Variants in DLG2 observed in about 807,000 individuals in gnomAD.
The protein encoded by DLG2 is disks large homolog 2.
Under a neutral mutation model 132.5 loss-of-function variants are expected in DLG2, and 45 were observed. That is an observed-to-expected ratio of 0.34 (90% CI 0.27 to 0.44). DLG2 has a LOEUF of 0.44. Among genes scored for constraint, DLG2 ranks in the 20% least tolerant of loss-of-function variants. DLG2 has a pLI of 1.00. For synonymous variants in DLG2, 424 were observed against 419.6 expected (o/e 1.01, Z -0.13); for missense variants, 1,045 against 1,196.9 (o/e 0.87, Z 1.87).
intron 18 of DLG2, among the ~76,000 whole-genome samples, chr11:83,712,599 C>T (rs1320064458): frequency 6.6e-6 from 1 of 152,130 alleles, no homozygotes; most frequent in Non-Finnish European, 1.5e-5. Context: ...CACTTCACTC[C>T]AGCCTGGGCA....
At chr11:85,310,488 G>C (rs1485727504) in intron 3 of DLG2, among the ~76,000 whole-genome samples, 3 of 152,184 alleles carry the variant, frequency 2.0e-5, no homozygotes, top group Non-Finnish European at 4.4e-5. Context: ...ACAAGGGACT[G>C]TCCCTTCACC....
intron 6 of DLG2, among the ~76,000 whole-genome samples, chr11:84,880,036 T>G (rs2087037364): frequency 6.6e-6 from 1 of 152,122 alleles, no homozygotes; most frequent in African/African-American, 2.4e-5. Context: ...TAAAGTGATT[T>G]TTTAAAAAAG....
At chr11:84,465,100 G>A (rs985988341) in intron 7 of DLG2, among the ~76,000 whole-genome samples, 2 of 151,118 alleles carry the variant, frequency 1.3e-5, no homozygotes, top group African/African-American at 4.8e-5. Context: ...ATAATAAACC[G>A]TCACACACTT....
chr11:84,206,634 G>A (rs556771998), intron 8 of DLG2, among the ~76,000 whole-genome samples: 24 of 152,054 alleles, frequency 1.6e-4, no homozygotes, highest in Middle Eastern at 6.8e-3. Context: ...ATATACAAGA[G>A]AAAATTCATA....
chr11:84,207,081 C>CTCTATATA (rs148707321), intron 8 of DLG2, among the ~76,000 whole-genome samples: 2,805 of 146,956 alleles, frequency 0.019, 60 homozygotes, highest in Middle Eastern at 0.06. Context: ...CTCTCTCTCT[C>CTCTATATA]TATATATATA....
intron 18 of DLG2, among the ~76,000 whole-genome samples, chr11:83,710,456 C>T (rs1012323653): frequency 5.9e-5 from 9 of 152,154 alleles, no homozygotes; most frequent in African/African-American, 2.2e-4. Flanking sequence ...GCCACCTTGC[C>T]TGGCCAGATA....
At chr11:83,603,800 C>A (rs2058929156) in intron 19 of DLG2, among the ~76,000 whole-genome samples, 1 of 152,124 alleles carries the variant, frequency 6.6e-6, no homozygotes, top group African/African-American at 2.4e-5. Flanking sequence ...TTTTAAAAGT[C>A]CTTACCCATT....
intron 19 of DLG2, among the ~76,000 whole-genome samples, chr11:83,548,562 G>GCAACAA (rs201118897): frequency 1.3e-5 from 2 of 151,820 alleles, no homozygotes; most frequent in African/African-American, 4.8e-5. Flanking sequence ...CAACTACTCA[G>GCAACAA]CAACAACAAC....
At chr11:84,408,312 C>T (rs2098869616) in intron 7 of DLG2, among the ~76,000 whole-genome samples, 1 of 150,126 alleles carries the variant, frequency 6.7e-6, no homozygotes. Flanking sequence ...ATATTTTTGT[C>T]TAGTGAAATG....
intron 6 of DLG2, among the ~76,000 whole-genome samples, chr11:85,066,370 A>C (rs758361612): frequency 3.3e-5 from 5 of 151,862 alleles, no homozygotes; most frequent in South Asian, 2.1e-4. Flanking sequence ...CCAGATGTAC[A>C]AAAGACAGTG....
chr11:84,219,441 G>C (rs2096884754), intron 8 of DLG2, among the ~76,000 whole-genome samples: 2 of 152,086 alleles, frequency 1.3e-5, no homozygotes, highest in African/African-American at 4.8e-5. Flanking sequence ...AAACCACAAA[G>C]TACGTGTCTG....
At chr11:83,835,291 G>C (rs1340396719) in intron 16 of DLG2, among the ~76,000 whole-genome samples, 1 of 152,100 alleles carries the variant, frequency 6.6e-6, no homozygotes, top group Non-Finnish European at 1.5e-5. Flanking sequence ...ATAAACAATA[G>C]ATGCAATAAA....
intron 6 of DLG2, among the ~76,000 whole-genome samples, chr11:84,998,097 C>T (rs774624285): frequency 6.6e-6 from 1 of 151,920 alleles, no homozygotes; most frequent in Admixed American, 6.6e-5. Context: ...GCTGCTTAGT[C>T]TAATTTCTTC....
At chr11:84,807,743 A>G (rs1311426212) in intron 6 of DLG2, among the ~76,000 whole-genome samples, 1 of 152,210 alleles carries the variant, frequency 6.6e-6, no homozygotes, top group African/African-American at 2.4e-5. Flanking sequence ...GAGCAAAGAA[A>G]GTTACCAGAT....
chr11:84,827,169 T>C lies in DLG2; in HGVS notation c.357+284492A>G, dbSNP rs532592554. 1.4e-4 allele frequency among the ~76,000 whole-genome samples: 21 copies of C among 151,822 alleles called. No homozygotes were observed. In the East Asian group the frequency reaches 2.2e-3, roughly 16 times the overall value. On this transcript the variant is annotated intron_variant, in intron 6 of 27. Transcript: ENST00000376104. ...TACAAGTAAGGAGTGACCATATAAA[T>C]TGACCAAAGTCACACAGATAGTAAG...
intron 18 of DLG2, among the ~76,000 whole-genome samples, chr11:83,688,449 A>C (rs2080227649): frequency 6.6e-6 from 1 of 152,212 alleles, no homozygotes; most frequent in South Asian, 2.1e-4. Context: ...AGATTTATGC[A>C]TCCAGAAGGG....
intron 7 of DLG2, among the ~76,000 whole-genome samples, chr11:84,313,210 A>C (rs547998332): frequency 6.6e-6 from 1 of 150,618 alleles, no homozygotes; most frequent in Non-Finnish European, 1.5e-5. Flanking sequence ...CCACTTCCTA[A>C]GTTCAAGCAA....
intron 7 of DLG2, among the ~76,000 whole-genome samples, chr11:84,442,974 A>G (rs2099022099): frequency 6.6e-6 from 1 of 152,198 alleles, no homozygotes; most frequent in South Asian, 2.1e-4. Flanking sequence ...ATCACAGTCA[A>G]TGCTACAAAC....
At chr11:84,018,488 A>G (rs1324029239) in intron 11 of DLG2, among the ~76,000 whole-genome samples, 1 of 152,028 alleles carries the variant, frequency 6.6e-6, no homozygotes, top group Non-Finnish European at 1.5e-5. Context: ...ATAAATAGAA[A>G]CAAAATTGAT....
Sources: allele counts gnomAD v4.1 joint callset (sites outside exome capture counted in the v4.1 genomes callset), GRCh38; gene constraint gnomAD v4.1.1; transcripts MANE v1.5; gene names NCBI Gene and HGNC (gene_info 2026-07-23, HGNC 2026-07-21).